PROSER1: variants seen among roughly 807,000 people sequenced by gnomAD.
PROSER1 encodes proline and serine-rich protein 1.
In PROSER1, 36 loss-of-function variants were observed where a neutral mutation model predicts 71.8. The observed-to-expected ratio is 0.50, with a 90% CI of 0.38 to 0.66. The LOEUF (loss-of-function observed/expected upper bound fraction) is 0.66, where lower values mean the gene tolerates loss of function less well. Ranked by LOEUF, PROSER1 falls within the 30% of genes least tolerant of loss-of-function variation. The probability of loss-of-function intolerance (pLI) is 0.00; values close to 1 mark genes in which losing one functional copy is unlikely to be tolerated. For synonymous variants in PROSER1, 490 were observed against 452.4 expected, an observed-to-expected ratio of 1.08 and a Z score of -1.06; for missense variants, 1,107 against 1,135.0, an observed-to-expected ratio of 0.98 and a Z score of 0.35.
At position 39,029,266 on chromosome 13, in the gene PROSER1, A is replaced by AAG. The variant is rs767080370; in HGVS notation, c.275+14_275+15insCT. 1.4e-6 allele frequency: 2 copies of AAG among 1,395,388 alleles called. No homozygotes were observed. Among genetic ancestry groups the AAG allele is most frequent in the African/African-American group, 3.1e-5 (2 of 65,510 alleles). The allele number at this position is 1,395,388 out of a possible 1,614,324, so 86.4% of individuals were successfully genotyped here. ...CCCAAGTAAAAAAAAAAAAAAAAAA[A>AAG]AAAGAAATACTTACGAGGCTAACAG... On this transcript the variant is annotated intron_variant, in intron 4 of 12. Coordinates refer to ENST00000352251, the MANE Select transcript of PROSER1 (RefSeq NM_025138.5).
At position 39,028,250 on chromosome 13, in the gene PROSER1, G is replaced by T; in HGVS notation, c.346C>A (p.Arg116=). ...ACCTGTTCAAGTATTCTCTTGCACC[G>T]TTTCTTCTCAGACATATTTACCCTG... ...LFRVNMSEKK[R]CKRILEQAFK... The change falls in exon 5 of 13, where the codon CGG becomes AGG. Residue 116 remains arginine, a synonymous_variant. Transcript: ENST00000352251. The T allele has an allele frequency of 1.9e-6, 3 of 1,584,648 alleles. No individual in the cohort carries two copies. The highest frequency in any genetic ancestry group is 2.6e-6 in the Non-Finnish European group (3 of 1,154,580).
intron 9 of PROSER1, among the ~76,000 whole-genome samples, chr13:39,019,347 C>CAA (rs558681903): frequency 3.7e-4 from 27 of 72,938 alleles, no homozygotes; most frequent in Admixed American, 1.6e-3. Context: ...ACTAAAAATA[C>CAA]AAAAAAAAAA....
chr13:39,014,432 T>G lies in PROSER1; in HGVS notation c.820A>C (p.Asn274His). ...ASQLFSPHGS[N>H]PSTPAATPVP... ...GGAGTTGCAGCAGGTGTTGAAGGAT[T>G]AGAACCATGAGGAGAAAAGAGTTGA... The change falls in exon 11 of 13, where the codon AAT becomes CAT. Residue 274 changes from asparagine (N) to histidine (H), a missense_variant. Transcript: ENST00000352251. 2 of 1,613,820 alleles carry G rather than the reference T, an allele frequency of 1.2e-6. No individual in the cohort carries two copies. The highest frequency in any genetic ancestry group is 1.7e-6 in the Non-Finnish European group (2 of 1,179,864).
At chr13:39,018,288 C>T (rs1252968469) in intron 9 of PROSER1, among the ~76,000 whole-genome samples, 1 of 152,078 alleles carries the variant, frequency 6.6e-6, no homozygotes, top group African/African-American at 2.4e-5. Flanking sequence ...TATGGCTTGA[C>T]AATAACTGCC....
At chr13:39,024,012 T>C (rs1477593409) in intron 7 of PROSER1, 1 of 155,626 alleles carries the variant, frequency 6.4e-6, no homozygotes, top group Non-Finnish European at 1.4e-5. Context: ...GCAAGGTGGT[T>C]GTATGCAGGC....
At chr13:39,021,058 A>G (rs772428012) in intron 9 of PROSER1, among the ~76,000 whole-genome samples, 2 of 152,202 alleles carry the variant, frequency 1.3e-5, no homozygotes, top group Non-Finnish European at 2.9e-5. Flanking sequence ...GGCCACTTGA[A>G]TGGAGTCTTT....
In PROSER1 at chr13:39,020,150, C is replaced by T. The variant is rs114911840; in HGVS notation, c.730+2176G>A. Among the ~76,000 whole-genome samples the T allele has an allele frequency of 8.8e-3, 1,323 of 149,500 alleles. 24 individuals are homozygous for T. Among genetic ancestry groups the T allele is most frequent in the African/African-American group, 0.031 (1,273 of 40,898 alleles). ...AAATGAAACATTCTATTTATAATTG[C>T]AACCAAAAATATCTCTAAATTCTAT... On this transcript the variant is annotated intron_variant, in intron 9 of 12. Transcript: ENST00000352251.
intron 9 of PROSER1, among the ~76,000 whole-genome samples, chr13:39,020,970 T>TA (rs1448992143): frequency 1.3e-5 from 2 of 152,240 alleles, no homozygotes; most frequent in Non-Finnish European, 2.9e-5. Flanking sequence ...TACTTCTCCA[T>TA]AGCACGTCAA....
intron 3 of PROSER1, among the ~76,000 whole-genome samples, chr13:39,030,620 G>T (rs1417710540): frequency 6.6e-6 from 1 of 152,086 alleles, no homozygotes; most frequent in African/African-American, 2.4e-5. Flanking sequence ...TAGAGACAGG[G>T]TCTTACTATG....
chr13:39,013,430 T>C lies in PROSER1; in HGVS notation c.1822A>G (p.Lys608Glu). 6.2e-7 allele frequency: 1 copy of C among 1,614,130 alleles called. No homozygotes were observed. Among genetic ancestry groups the C allele is most frequent in the Non-Finnish European group, 8.5e-7 (1 of 1,180,030 alleles). Reference protein sequence around the residue: ...PAATTLPVMIKTEPTSPTPSA... With the variant: ...PAATTLPVMIETEPTSPTPSA... ...GGAGTAGGACTTGTGGGCTCAGTTT[T>C]GATCATAACAGGAAGAGTTGTTGCA... Residue 608 changes from lysine (K) to glutamate (E), a missense_variant, in exon 11 of 13, where the codon AAA becomes GAA. Lys to Glu is a moderately conservative substitution (Grantham distance 56). Coordinates refer to ENST00000352251, the MANE Select transcript of PROSER1 (RefSeq NM_025138.5).
intron 10 of PROSER1, among the ~76,000 whole-genome samples, chr13:39,017,062 G>C (rs1390563918): frequency 6.6e-6 from 1 of 152,138 alleles, no homozygotes; most frequent in East Asian, 1.9e-4. Flanking sequence ...GGTGCCCCTT[G>C]TTCTTTCCTA....
rs1290251402 is a variant in PROSER1, at chr13:39,022,331, C to A, written c.725G>T (p.Gly242Val). ...ACCCCCAAATAACATTTTACCTGTT[C>A]CTACAGGATTAGGAGTATATGGAGG... is the stretch of plus-strand genomic sequence containing the variant. ...PPPPYTPNPV[G>V]TENEDLSNPS... is the part of the protein sequence containing the mutation. The change falls in exon 9 of 13, where the codon GGA becomes GTA. Residue 242 changes from glycine to valine, a missense_variant. By Grantham distance (109) the Gly-to-Val change is moderately radical (BLOSUM62 -3). Transcript: ENST00000352251. 3.7e-6 allele frequency: 6 copies of A among 1,602,286 alleles called. No homozygotes were observed.
At position 39,011,124 on chromosome 13, in the gene PROSER1, A is replaced by G. The variant is rs911915882; in HGVS notation, c.*241T>C. 3 of 437,868 alleles carry G rather than the reference A, an allele frequency of 6.9e-6. No homozygotes were observed. Among genetic ancestry groups the G allele is most frequent in the Non-Finnish European group, 1.2e-5 (3 of 242,222 alleles). 27.1% of individuals were successfully genotyped at this position (437,868 alleles called of 1,614,324 possible). ...ATTCAAAATTTTATAGGACAGGTGAAAAGTCTCCAAACACTTTTTAAATAC... is the reference window on the plus strand; with the variant it reads ...ATTCAAAATTTTATAGGACAGGTGAGAAGTCTCCAAACACTTTTTAAATAC... On this transcript the variant is annotated 3_prime_UTR_variant, in exon 13 of 13. Transcript: ENST00000352251.
At chr13:39,018,803 A>G (rs925191759) in intron 9 of PROSER1, among the ~76,000 whole-genome samples, 8 of 152,144 alleles carry the variant, frequency 5.3e-5, no homozygotes, top group Non-Finnish European at 7.3e-5. Context: ...AGAATAACGA[A>G]AACAAAATTT....
At position 39,023,073 on chromosome 13, in the gene PROSER1, G is replaced by A. The variant is rs1169529496; in HGVS notation, c.622C>T (p.Pro208Ser). The change falls in exon 8 of 13, where the codon CCA (proline) becomes TCA (serine). Residue 208 changes from proline to serine, a missense_variant. Physicochemically the swap from Pro to Ser is moderately conservative, Grantham distance 74 (BLOSUM62 -1). Transcript: ENST00000352251. ...PVPYPIPPCRPHATIAPSAYN... is the reference protein window; with the variant it reads ...PVPYPIPPCRSHATIAPSAYN... Reference sequence around the variant, plus strand: ...TTACTTGGTGCAATAGTTGCATGTGGTCGGCATGGAGGTATCGGATAAGGA... The same window carrying A: ...TTACTTGGTGCAATAGTTGCATGTGATCGGCATGGAGGTATCGGATAAGGA... 6.2e-7 allele frequency: 1 copy of A among 1,612,814 alleles called. No individual in the cohort carries two copies. The highest frequency in any genetic ancestry group is 1.3e-5 in the African/African-American group (1 of 74,858).
chr13:39,014,649 C>T (rs977676958), intron 10 of PROSER1, among the ~76,000 whole-genome samples, 173 bp from the exon 11 acceptor site: 5 of 152,170 alleles, frequency 3.3e-5, no homozygotes, highest in African/African-American at 1.2e-4. Context: ...CAGATCTTTA[C>T]TCTGGAGCCA....
chr13:39,024,329 C>A, intron 7 of PROSER1, 144 bp downstream of exon 7: 1 of 591,466 alleles, frequency 1.7e-6, no homozygotes, highest in South Asian at 2.4e-5. Context: ...TTTATGTTTC[C>A]CTCATCCATT....
At position 39,013,628 on chromosome 13, in the gene PROSER1, G is replaced by A. The variant is rs1253603473; in HGVS notation, c.1624C>T (p.Pro542Ser). 3 of 1,614,176 alleles carry A rather than the reference G, an allele frequency of 1.9e-6. No homozygotes were observed. The highest frequency in any genetic ancestry group is 2.5e-6 in the Non-Finnish European group (3 of 1,180,022). ...GAAGTTGAGTTAGCCACGGGAGACG[G>A]CAGGCCTGGGAACAGGGCCAACCCT... ...TPGLALFPGL[P>S]SPVANSTSTP... The change falls in exon 11 of 13, where the codon CCG becomes TCG. Residue 542 changes from proline (P) to serine (S), a missense_variant. Pro to Ser is a moderately conservative substitution (Grantham distance 74). Coordinates refer to ENST00000352251, the MANE Select transcript of PROSER1 (RefSeq NM_025138.5).
chr13:39,034,223 G>A (rs761907931), intron 1 of PROSER1, 27 bp from the exon 2 acceptor site: 13 of 1,516,790 alleles, frequency 8.6e-6, no homozygotes, highest in Admixed American at 6.6e-5. Context: ...CACACACACA[G>A]AGTAAAACAG....
Sources: allele counts gnomAD v4.1 joint callset (sites outside exome capture counted in the v4.1 genomes callset), GRCh38; gene constraint gnomAD v4.1.1; transcripts MANE v1.5; gene names NCBI Gene and HGNC (gene_info 2026-07-23, HGNC 2026-07-21).